The following SNX10 variants were observed in gnomAD, a reference collection of about 807,000 sequenced individuals.
SNX10 encodes the protein sorting nexin 10, also known as sorting nexin-10.
In SNX10, 25 loss-of-function variants were observed where a neutral mutation model predicts 28.5. The ratio of observed to expected loss-of-function variants is 0.88; its 90% CI spans 0.64 to 1.22. The LOEUF (loss-of-function observed/expected upper bound fraction) is 1.22, where lower values mean the gene tolerates loss of function less well. Among genes scored for constraint, SNX10 ranks in the 50% most tolerant of loss-of-function variants. SNX10 has a pLI of 0.00. For missense variants in SNX10, 223 were observed against 242.6 expected, an observed-to-expected ratio of 0.92 and a Z score of 0.54; for synonymous variants, 62 against 81.4, an observed-to-expected ratio of 0.76 and a Z score of 1.28.
In SNX10 at chr7:26,351,653, TTTTTTG is replaced by T. The variant is rs1190158671; in HGVS notation, c.24+5193_24+5198del. On this transcript the variant is annotated intron_variant, in intron 2 of 6. Coordinates refer to ENST00000338523, the MANE Select transcript of SNX10 (RefSeq NM_013322.3). ...AAGCAATCAAGCAGTCTGGTTTTTT[TTTTTTG>T]TTTTTTTTTTTTTTTGAGACCGAGT... 4.8e-4 allele frequency among the ~76,000 whole-genome samples: 41 copies of T among 85,588 alleles called. 2 individuals carry two copies. The South Asian group carries it at 5.8e-3, about 12-fold the overall frequency. 56.1% of individuals were successfully genotyped at this position (85,588 alleles called of 152,430 possible).
Position 26,371,898 on chromosome 7 carries a change from T to C in SNX10, c.389T>C (p.Ile130Thr). 1.9e-6 allele frequency: 3 copies of C among 1,613,738 alleles called. No homozygotes were observed. ...FLQSHLNSED[I>T]EACVSGQTKY... is the part of the protein sequence containing the mutation. ...CAGAGCCATCTGAATTCAGAAGACA[T>C]TGAGGCGTGTGTTTCTGGGCAGACT... Residue 130 changes from isoleucine to threonine, a missense_variant, in exon 6 of 7, where the codon ATT (isoleucine) becomes ACT (threonine). Physicochemically the swap from Ile to Thr is moderately conservative, Grantham distance 89 (BLOSUM62 -1). Transcript: ENST00000338523.
chr7:26,366,447 A>G (rs1042632464), intron 5 of SNX10, among the ~76,000 whole-genome samples: 6 of 152,238 alleles, frequency 3.9e-5, no homozygotes, highest in African/African-American at 1.4e-4. Context: ...AGAAGAACTG[A>G]TTAGCAGAGC....
At chr7:26,304,936 C>T (rs750871856) in intron 1 of SNX10, among the ~76,000 whole-genome samples, 5 of 152,168 alleles carry the variant, frequency 3.3e-5, no homozygotes, top group Non-Finnish European at 7.3e-5. Flanking sequence ...ATCCAAAGCC[C>T]GGCCCAGGGA....
Position 26,345,604 on chromosome 7 carries a change from A to G in SNX10, c.-23-816A>G, listed in dbSNP as rs535943546. Reference sequence around the variant, plus strand: ...TCCCTATGGTGCCAGTGACATGAGTATAGAGACTCTGGGAATACGTGTGGG... The same window carrying G: ...TCCCTATGGTGCCAGTGACATGAGTGTAGAGACTCTGGGAATACGTGTGGG... On this transcript the variant is annotated intron_variant, in intron 1 of 6. Coordinates refer to ENST00000338523, the MANE Select transcript of SNX10 (RefSeq NM_013322.3). Among the ~76,000 whole-genome samples, 29 of 152,228 alleles carry G rather than the reference A, an allele frequency of 1.9e-4. No homozygotes were observed. In the South Asian group the frequency reaches 6.0e-3, roughly 32 times the overall value.
chr7:26,312,628 A>G (rs894110296), intron 1 of SNX10, among the ~76,000 whole-genome samples: 2 of 152,216 alleles, frequency 1.3e-5, no homozygotes, highest in Admixed American at 6.5e-5. Flanking sequence ...TACTAAAAAT[A>G]CAAAAATTAG....
intron 5 of SNX10, among the ~76,000 whole-genome samples, chr7:26,365,546 C>G (rs1248527874): frequency 6.6e-6 from 1 of 152,174 alleles, no homozygotes; most frequent in East Asian, 1.9e-4. Context: ...AGCTCAGTAA[C>G]GGGCTGCTAA....
In SNX10 at chr7:26,364,139, C is replaced by T. The variant is rs1234039794; in HGVS notation, c.112-396C>T. Among the ~76,000 whole-genome samples, 2 of 152,072 alleles carry T rather than the reference C, an allele frequency of 1.3e-5. No individual in the cohort carries two copies. Among genetic ancestry groups the T allele is most frequent in the Non-Finnish European group, 2.9e-5 (2 of 68,002 alleles). ...GGGTCATGAGGAGGTGTCTCTAAGC[C>T]CCAAAGTTTCCTCCAGCTTACGTGG... is the stretch of plus-strand genomic sequence containing the variant. On this transcript the variant is annotated intron_variant, in intron 3 of 6. Transcript: ENST00000338523. This position sits in a 1 kb window ranked among gnomAD's most constrained non-coding sequence, Gnocchi z 4.9.
Position 26,364,435 on chromosome 7 carries a change from C to A in SNX10, c.112-100C>A. ...TAAATATATGTTTGGTGGTTTAAAT[C>A]CTATTTAGAGTGAATGTTGAGATCA... On this transcript the variant is annotated intron_variant, in intron 3 of 6. Transcript: ENST00000338523. This position sits in a 1 kb window ranked among gnomAD's most constrained non-coding sequence, Gnocchi z 4.9. 1 of 1,431,838 alleles carries A rather than the reference C, an allele frequency of 7.0e-7. No individual in the cohort carries two copies. The highest frequency in any genetic ancestry group is 1.6e-5 in the South Asian group (1 of 62,354). The allele number at this position is 1,431,838 out of a possible 1,614,324, so 88.7% of individuals were successfully genotyped here. A position where few individuals can be genotyped will look rare whatever the true frequency, so the allele number is the denominator to read the frequency against.
At chr7:26,346,572 A>G in intron 2 of SNX10, 106 bp downstream of exon 2, 1 of 862,082 alleles carries the variant, frequency 1.2e-6, no homozygotes. Context: ...AGGAGGTTTC[A>G]TGAAAGACCA....
intron 3 of SNX10, among the ~76,000 whole-genome samples, chr7:26,362,416 A>T (rs948399741): frequency 6.6e-6 from 1 of 152,232 alleles, no homozygotes; most frequent in African/African-American, 2.4e-5. Context: ...GCTCTGCTCT[A>T]TAAATAGCCT....
At chr7:26,338,374 A>G (rs1371226433) in intron 1 of SNX10, among the ~76,000 whole-genome samples, 1 of 152,108 alleles carries the variant, frequency 6.6e-6, no homozygotes, top group Non-Finnish European at 1.5e-5. Flanking sequence ...AAAGACGGGA[A>G]TTGAAACGGC....
At chr7:26,328,022 C>T (rs922963307) in intron 1 of SNX10, among the ~76,000 whole-genome samples, 4 of 152,076 alleles carry the variant, frequency 2.6e-5, no homozygotes, top group Admixed American at 1.3e-4. Flanking sequence ...GTGAGGTGCC[C>T]GGCCACATTC....
At chr7:26,318,860 G>C (rs992934099) in intron 1 of SNX10, among the ~76,000 whole-genome samples, 2 of 152,130 alleles carry the variant, frequency 1.3e-5, no homozygotes, top group Non-Finnish European at 2.9e-5. Context: ...TCTAGTAGCT[G>C]TATGAAAGAG....
At chr7:26,342,429 C>A (rs1788220265) in intron 1 of SNX10, among the ~76,000 whole-genome samples, 1 of 152,184 alleles carries the variant, frequency 6.6e-6, no homozygotes, top group Non-Finnish European at 1.5e-5. Context: ...TTTCCTTCTC[C>A]CCACCAGTAA....
intron 1 of SNX10, among the ~76,000 whole-genome samples, chr7:26,297,875 A>G (rs971130144): frequency 6.6e-6 from 1 of 152,122 alleles, no homozygotes; most frequent in African/African-American, 2.4e-5. Flanking sequence ...TTATAGATAT[A>G]TATGTAACAC....
intron 1 of SNX10, among the ~76,000 whole-genome samples, chr7:26,301,230 C>T (rs1223020049): frequency 6.6e-6 from 1 of 152,088 alleles, no homozygotes; most frequent in African/African-American, 2.4e-5. Flanking sequence ...TCTTATGTTA[C>T]TCATTGGTAT....
intron 1 of SNX10, among the ~76,000 whole-genome samples, chr7:26,345,087 G>C (rs1471511444): frequency 1.3e-5 from 2 of 152,190 alleles, no homozygotes; most frequent in African/African-American, 4.8e-5. Context: ...CTTGCCATCA[G>C]ATTTAGGGTT....
chr7:26,351,543 G>A (rs1326407676), intron 2 of SNX10, among the ~76,000 whole-genome samples: 2 of 151,906 alleles, frequency 1.3e-5, no homozygotes, highest in Admixed American at 1.3e-4. Flanking sequence ...TAGCCAAGAG[G>A]AGCCCAAGGA....
At chr7:26,318,722 T>C (rs751564106) in intron 1 of SNX10, among the ~76,000 whole-genome samples, 3 of 152,236 alleles carry the variant, frequency 2.0e-5, no homozygotes, top group Non-Finnish European at 2.9e-5. Flanking sequence ...CTGTTTGCCT[T>C]GGCCTCCCAA....
Sources: gnomAD v4.1 joint callset for allele counts (sites outside exome capture counted in the v4.1 genomes callset) on GRCh38, gnomAD v4.1.1 for gene constraint, Gnocchi (gnomAD v3.1) non-coding constraint, MANE v1.5 for transcripts, NCBI Gene and HGNC (gene_info 2026-07-23, HGNC 2026-07-21) for gene names.